SH3KBP1: variants seen among roughly 807,000 people sequenced by gnomAD.
The protein encoded by SH3KBP1 is SH3 domain containing kinase binding protein 1.
SH3KBP1 carries 8 observed loss-of-function variants against 50.1 expected under a neutral mutation model. That is an observed-to-expected ratio of 0.16 (90% confidence interval 0.09 to 0.29). SH3KBP1 has a LOEUF of 0.29. Among genes scored for constraint, SH3KBP1 ranks in the 10% least tolerant of loss-of-function variants. The pLI is 1.00. For synonymous variants in SH3KBP1, 227 were observed against 218.6 expected (o/e 1.04, Z -0.34); for missense variants, 377 against 535.2 (o/e 0.70, Z 2.92).
chrX:19,861,227 A>G (rs1323751166), intron 1 of SH3KBP1, among the ~76,000 whole-genome samples: 1 of 109,078 alleles, frequency 9.2e-6, no homozygotes, highest in Non-Finnish European at 1.9e-5. Flanking sequence ...AATACAAAAA[A>G]TTAGCCAGGC....
intron 13 of SH3KBP1, among the ~76,000 whole-genome samples, chrX:19,562,733 G>A (rs1447266275): frequency 2.7e-5 from 3 of 110,925 alleles, no homozygotes; most frequent in Non-Finnish European, 5.7e-5. Context: ...AGCATTTGGG[G>A]CTGCCTGCAA....
At chrX:19,631,486 G>A (rs1229607915) in intron 8 of SH3KBP1, among the ~76,000 whole-genome samples, 1 of 108,738 alleles carries the variant, frequency 9.2e-6, no homozygotes, top group Non-Finnish European at 1.9e-5. Flanking sequence ...CTGCCTGTGA[G>A]GCATGACCAG....
intron 8 of SH3KBP1, among the ~76,000 whole-genome samples, chrX:19,616,379 C>T (rs2067614279): frequency 4.5e-5 from 5 of 111,739 alleles, no homozygotes; most frequent in Admixed American, 3.8e-4. Flanking sequence ...CTAACTTTTG[C>T]TTTTTTCTTT....
intron 2 of SH3KBP1, among the ~76,000 whole-genome samples, chrX:19,820,469 C>T: frequency 9.0e-6 from 1 of 111,532 alleles, no homozygotes; most frequent in East Asian, 2.8e-4. Flanking sequence ...TTCTTTGTCC[C>T]TGGTAATTTT....
At chrX:19,716,450 G>T (rs935418054) in intron 3 of SH3KBP1, among the ~76,000 whole-genome samples, 8 of 112,193 alleles carry the variant, frequency 7.1e-5, no homozygotes, top group African/African-American at 2.3e-4. Context: ...AAATCCATTT[G>T]CCTGCTACTT....
chrX:19,612,433 T>A (rs758037253), intron 8 of SH3KBP1, among the ~76,000 whole-genome samples: 1 of 110,822 alleles, frequency 9.0e-6, no homozygotes, highest in African/African-American at 3.3e-5. Flanking sequence ...CTGGTTAATT[T>A]TTTTGTATTT....
chrX:19,801,363 T>A (rs1265545413), intron 2 of SH3KBP1, among the ~76,000 whole-genome samples: 4 of 111,706 alleles, frequency 3.6e-5, no homozygotes, highest in South Asian at 3.7e-4. Flanking sequence ...CCACCCTACC[T>A]CTAGCCTCCC....
intron 4 of SH3KBP1, among the ~76,000 whole-genome samples, chrX:19,696,692 T>C (rs1001312479): frequency 6.3e-5 from 7 of 111,327 alleles, no homozygotes; most frequent in Non-Finnish European, 1.1e-4. Context: ...GAGCCACTAG[T>C]AGTACAGCAG....
At chrX:19,776,109 A>G (rs1047394084) in intron 2 of SH3KBP1, among the ~76,000 whole-genome samples, 9 of 111,657 alleles carry the variant, frequency 8.1e-5, no homozygotes, top group African/African-American at 2.3e-4. Flanking sequence ...ATTGGCTACT[A>G]CAGCTAGCTT....
At chrX:19,801,327 G>A (rs745397838) in intron 2 of SH3KBP1, among the ~76,000 whole-genome samples, 1 of 111,747 alleles carries the variant, frequency 8.9e-6, no homozygotes, top group Admixed American at 9.5e-5. Flanking sequence ...GTCACACTGA[G>A]CAGCTGATCA....
At chrX:19,550,299 AAGAG>A (rs912067055) in intron 13 of SH3KBP1, among the ~76,000 whole-genome samples, 3 of 111,797 alleles carry the variant, frequency 2.7e-5, no homozygotes, top group African/African-American at 9.8e-5. Context: ...TATTGCATGG[AAGAG>A]AGAGAAACAG....
At chrX:19,781,640 T>C (rs1317433332) in intron 2 of SH3KBP1, among the ~76,000 whole-genome samples, 2 of 108,303 alleles carry the variant, frequency 1.8e-5, no homozygotes, top group African/African-American at 6.7e-5. Flanking sequence ...ACAACTCATA[T>C]GAAACATCCA....
chrX:19,623,042 CAAAAAAA>C (rs773914815), intron 8 of SH3KBP1, among the ~76,000 whole-genome samples: 6 of 22,249 alleles, frequency 2.7e-4, no homozygotes, highest in South Asian at 5.2e-3. Flanking sequence ...CACTCTGACT[CAAAAAAA>C]AAAAAAAAAA....
In SH3KBP1 at chrX:19,695,711, T is replaced by C; in HGVS notation, c.421A>G (p.Asn141Asp). 8.3e-7 allele frequency: 1 copy of C among 1,209,779 alleles called. No individual in the cohort carries two copies. The highest frequency in any genetic ancestry group is 1.8e-5 in the South Asian group (1 of 56,906). The part of the protein sequence containing the change: ...VEEGWWEGVL[N>D]GKTGMFPSNF... ...GAAGGAAACATTCCAGTCTTCCCGT[T>C]GAGAACACCTTCCCACCATCCTTCC... The change falls in exon 5 of 18, where the codon AAC becomes GAC. Residue 141 changes from asparagine to aspartate, a missense_variant. By Grantham distance (23) the Asn-to-Asp change is conservative. This residue lies in a region of SH3KBP1 where 257 missense variants were observed against 374.2 expected (regional missense o/e 0.69). Coordinates refer to ENST00000397821, the MANE Select transcript of SH3KBP1 (RefSeq NM_031892.3).
chrX:19,790,328 C>T (rs1250431805), intron 2 of SH3KBP1, among the ~76,000 whole-genome samples: 1 of 111,555 alleles, frequency 9.0e-6, no homozygotes, highest in Non-Finnish European at 1.9e-5. Context: ...CTGTGCCCTT[C>T]CCTAGGCAGG....
rs145794618 is a variant in SH3KBP1, at chrX:19,556,974, A to C, written c.1385-6891T>G. 4.1e-3 allele frequency among the ~76,000 whole-genome samples: 462 copies of C among 111,905 alleles called. 3 individuals carry two copies. Among genetic ancestry groups the C allele is most frequent in the African/African-American group, 0.014 (443 of 30,788 alleles). On this transcript the variant is annotated intron_variant, in intron 13 of 17. Coordinates refer to ENST00000397821, the MANE Select transcript of SH3KBP1 (RefSeq NM_031892.3). ...GACATGAGCCACCATGCCTTGCTAT[A>C]AACAAGTTTTGAGCTACTGTTTTGA...
intron 7 of SH3KBP1, among the ~76,000 whole-genome samples, chrX:19,635,455 G>C (rs2061679228): frequency 9.1e-6 from 1 of 109,299 alleles, no homozygotes; most frequent in African/African-American, 3.3e-5. Context: ...TTAGAGGATG[G>C]GTCAACAGGT....
intron 2 of SH3KBP1, among the ~76,000 whole-genome samples, chrX:19,799,053 C>T (rs1341631084): frequency 2.7e-5 from 3 of 111,395 alleles, no homozygotes; most frequent in Non-Finnish European, 5.7e-5. Flanking sequence ...TCTTGACAGA[C>T]CCCAAGCTGA....
intron 1 of SH3KBP1, among the ~76,000 whole-genome samples, chrX:19,836,779 T>C (rs2068069999): frequency 8.9e-6 from 1 of 112,028 alleles, no homozygotes; most frequent in Non-Finnish European, 1.9e-5. Context: ...TGAATTGTAG[T>C]TCCCATAATC....
Sources: allele counts gnomAD v4.1 joint callset (sites outside exome capture counted in the v4.1 genomes callset), GRCh38; gene constraint gnomAD v4.1.1; regional missense constraint gnomAD v4.1.1; transcripts MANE v1.5; gene names NCBI Gene and HGNC (gene_info 2026-07-23, HGNC 2026-07-21).